The following LINGO2 variants were observed in gnomAD, a reference collection of about 807,000 sequenced individuals.
LINGO2 encodes leucine-rich repeat and immunoglobulin-like domain-containing nogo receptor-interacting protein 2.
LINGO2 carries 14 observed loss-of-function variants against 30.6 expected under a neutral mutation model. That is an observed-to-expected ratio of 0.46 (90% confidence interval 0.30 to 0.72). LINGO2 has a LOEUF of 0.72. LINGO2 is among the 30% of genes least tolerant of loss of function. LINGO2 has a pLI of 0.07. For synonymous variants in LINGO2, 317 were observed against 288.5 expected (o/e 1.10, Z -1.00); for missense variants, 729 against 751.7 (o/e 0.97, Z 0.35).
At chr9:28,982,723 C>A in the LINGO2 span, among the ~76,000 whole-genome samples, 1 of 151,704 alleles carries the variant, frequency 6.6e-6, no homozygotes, top group Non-Finnish European at 1.5e-5. Flanking sequence ...ATGTAGTAGT[C>A]ATTTTACAAA....
chr9:29,011,465 T>G, the LINGO2 span, among the ~76,000 whole-genome samples: 6 of 152,144 alleles, frequency 3.9e-5, no homozygotes, highest in African/African-American at 1.4e-4. Flanking sequence ...TGAGAAGAGT[T>G]TTCTTGTGTT....
chr9:29,000,300 A>T, the LINGO2 span, among the ~76,000 whole-genome samples: 1 of 151,916 alleles, frequency 6.6e-6, no homozygotes, highest in Non-Finnish European at 1.5e-5. Context: ...AATATTTTTT[A>T]AAAAGACTTA....
the LINGO2 span, among the ~76,000 whole-genome samples, chr9:28,947,620 T>C: frequency 6.6e-6 from 1 of 151,844 alleles, no homozygotes; most frequent in Non-Finnish European, 1.5e-5. Flanking sequence ...CTCAAACTTG[T>C]AGACTGGGTT....
Position 28,148,441 on chromosome 9 carries a change from G to C in LINGO2, c.-86-136036C>G. 1.5e-6 allele frequency: 2 copies of C among 1,372,382 alleles called. No individual in the cohort carries two copies. The highest frequency in any genetic ancestry group is 2.5e-5 in the South Asian group (2 of 80,488). 85.0% of individuals were successfully genotyped at this position (1,372,382 alleles called of 1,614,324 possible). ...CCAGGCTCCCGAAGATGGAGGTGAGGGCAGAAGAGCCCAGAGAAGCAACGG... is the reference window on the plus strand; with the variant it reads ...CCAGGCTCCCGAAGATGGAGGTGAGCGCAGAAGAGCCCAGAGAAGCAACGG... On this transcript the variant is annotated intron_variant, in intron 4 of 5. Coordinates refer to ENST00000379992, the Ensembl canonical transcript of LINGO2. The surrounding 1 kb of genome is among the most constrained non-coding windows in gnomAD (Gnocchi z 5.1).
At chr9:28,579,388 T>G (rs1438645072) in intron 1 of LINGO2, among the ~76,000 whole-genome samples, 2 of 152,062 alleles carry the variant, frequency 1.3e-5, no homozygotes. Context: ...GAAACCGTAT[T>G]GGTCATTCAT....
chr9:28,793,083 T>C, the LINGO2 span, among the ~76,000 whole-genome samples: 1 of 152,130 alleles, frequency 6.6e-6, no homozygotes, highest in Non-Finnish European at 1.5e-5. Context: ...TGATCAATTA[T>C]CTTAACAAAA....
intron 4 of LINGO2, among the ~76,000 whole-genome samples, chr9:28,252,995 GCTAT>G (rs1425344834): frequency 6.6e-6 from 1 of 151,788 alleles, no homozygotes; most frequent in African/African-American, 2.4e-5. Flanking sequence ...GGTTTTGTAA[GCTAT>G]CTAAGTGCTA....
chr9:28,341,803 A>G (rs1277616950), intron 3 of LINGO2, among the ~76,000 whole-genome samples: 1 of 152,140 alleles, frequency 6.6e-6, no homozygotes, highest in Non-Finnish European at 1.5e-5. Context: ...CCATTCTACC[A>G]TAAGGTTCAC....
chr9:28,327,137 G>T (rs993828963), intron 3 of LINGO2, among the ~76,000 whole-genome samples: 4 of 152,040 alleles, frequency 2.6e-5, no homozygotes, highest in Non-Finnish European at 4.4e-5. Flanking sequence ...GCAGTAAGAA[G>T]GTGCCATCCA....
intron 4 of LINGO2, among the ~76,000 whole-genome samples, chr9:28,208,555 C>T (rs901418162): frequency 6.6e-6 from 1 of 151,906 alleles, no homozygotes; most frequent in Middle Eastern, 3.2e-3. Flanking sequence ...ATTCTCATTT[C>T]CTGGGTTCAA....
the LINGO2 span, among the ~76,000 whole-genome samples, chr9:29,187,171 T>G: frequency 6.6e-6 from 1 of 152,164 alleles, no homozygotes; most frequent in Non-Finnish European, 1.5e-5. Context: ...AAAATTTTCC[T>G]TCACAATCAA....
intron 2 of LINGO2, among the ~76,000 whole-genome samples, chr9:28,466,857 C>T (rs559768116): frequency 8.8e-4 from 134 of 152,274 alleles, no homozygotes; most frequent in African/African-American, 3.0e-3. Context: ...ATCCAGCTAT[C>T]TCTGTATCAC....
chr9:28,144,588 T>C (rs970456927), intron 4 of LINGO2, among the ~76,000 whole-genome samples: 2 of 152,242 alleles, frequency 1.3e-5, no homozygotes, highest in Non-Finnish European at 2.9e-5. Context: ...ACTGGTATAC[T>C]TGATCTCCTG....
the LINGO2 span, among the ~76,000 whole-genome samples, chr9:28,933,594 G>A: frequency 1.8e-4 from 28 of 152,188 alleles, 1 homozygote; most frequent in African/African-American, 6.5e-4. Flanking sequence ...TTATAAGTGT[G>A]AAAGTTGTCA....
At chr9:28,137,793 AT>A (rs1284114734) in intron 4 of LINGO2, among the ~76,000 whole-genome samples, 3 of 152,078 alleles carry the variant, frequency 2.0e-5, no homozygotes, top group Non-Finnish European at 1.5e-5. Flanking sequence ...TAAAAAATAG[AT>A]TTTTCCCATT....
At chr9:27,983,695 G>T (rs994096708) in intron 5 of LINGO2, among the ~76,000 whole-genome samples, 13 of 151,832 alleles carry the variant, frequency 8.6e-5, no homozygotes, top group African/African-American at 3.1e-4. Context: ...CTAACTGGTG[G>T]CACAGAAAAA....
intron 4 of LINGO2, among the ~76,000 whole-genome samples, chr9:28,216,165 C>T (rs1342310562): frequency 6.6e-6 from 1 of 151,736 alleles, no homozygotes; most frequent in East Asian, 1.9e-4. Context: ...TGCATAAATG[C>T]CAACATTATT....
chr9:28,073,596 C>A (rs73643294), intron 4 of LINGO2, among the ~76,000 whole-genome samples: 10,545 of 152,200 alleles, frequency 0.069, 1,108 homozygotes, highest in African/African-American at 0.23. Flanking sequence ...TACAGAGAAA[C>A]ATAAGCCACA....
In LINGO2 at chr9:28,638,090, T is replaced by A. The variant is rs1432831512; in HGVS notation, c.-365+32110A>T. 2.6e-5 allele frequency among the ~76,000 whole-genome samples: 4 copies of A among 152,204 alleles called. No individual in the cohort carries two copies. In the South Asian group the frequency reaches 8.3e-4, roughly 32 times the overall value. On this transcript the variant is annotated intron_variant, in intron 1 of 5. Transcript: ENST00000379992. ...TCTATTGAGATAATCACGTGGCTTT[T>A]GTCGTTGGTTCTGTATATATACTGG...
Sources: allele counts gnomAD v4.1 joint callset (sites outside exome capture counted in the v4.1 genomes callset), GRCh38; gene constraint gnomAD v4.1.1; non-coding constraint Gnocchi (gnomAD v3.1); transcripts MANE v1.5; gene names NCBI Gene and HGNC (gene_info 2026-07-23, HGNC 2026-07-21).